The following PACRG variants were observed in gnomAD, a reference collection of about 807,000 sequenced individuals.
PACRG encodes the protein parkin coregulated gene protein.
PACRG carries 29 observed loss-of-function variants against 29.7 expected under a neutral mutation model. The ratio of observed to expected loss-of-function variants is 0.98; its 90% CI spans 0.73 to 1.33. The LOEUF is 1.33. PACRG is among the 40% of genes most tolerant of loss of function. The probability of loss-of-function intolerance (pLI) is 0.00; values close to 1 mark genes in which losing one functional copy is unlikely to be tolerated. For synonymous variants in PACRG, 116 were observed against 118.7 expected, an observed-to-expected ratio of 0.98 and a Z score of 0.15; for missense variants, 279 against 316.2, an observed-to-expected ratio of 0.88 and a Z score of 0.89.
intron 2 of PACRG, among the ~76,000 whole-genome samples, chr6:162,829,257 G>T (rs891917098): frequency 2.6e-5 from 4 of 152,230 alleles, no homozygotes; most frequent in South Asian, 4.1e-4. Context: ...CCAAATGCAG[G>T]CAAGGCCTGG....
intron 4 of PACRG, among the ~76,000 whole-genome samples, chr6:163,274,063 G>A (rs1783940638): frequency 6.6e-6 from 1 of 151,466 alleles, no homozygotes; most frequent in Non-Finnish European, 1.5e-5. Context: ...TAAGTTCTAG[G>A]GTACATGTGC....
intron 4 of PACRG, among the ~76,000 whole-genome samples, chr6:163,145,903 C>T (rs972247859): frequency 6.6e-6 from 1 of 152,128 alleles, no homozygotes; most frequent in South Asian, 2.1e-4. Flanking sequence ...AGATGAGAGG[C>T]GGTGAGGAGA....
At chr6:162,971,527 G>T (rs1024051961) in intron 2 of PACRG, among the ~76,000 whole-genome samples, 7 of 152,172 alleles carry the variant, frequency 4.6e-5, no homozygotes, top group African/African-American at 2.4e-5. Flanking sequence ...AACCACTGCA[G>T]AGTCAGAGAT....
chr6:163,010,461 A>G (rs1805508253), intron 2 of PACRG, among the ~76,000 whole-genome samples: 2 of 152,014 alleles, frequency 1.3e-5, no homozygotes, highest in Non-Finnish European at 2.9e-5. Flanking sequence ...TTCATGTCCA[A>G]TCCTACTCAT....
chr6:162,944,426 A>G (rs1032281030), intron 2 of PACRG, among the ~76,000 whole-genome samples: 6 of 152,230 alleles, frequency 3.9e-5, no homozygotes, highest in South Asian at 2.1e-4. Context: ...GTGGGGAACT[A>G]TGACACCTCA....
chr6:162,728,013 A>T lies in PACRG; in HGVS notation c.-223A>T. ...AGGCTTACCTTTGGAAGCTTGTTGC[A>T]GCTCTAGCCAAGGTCCTGCCCTCTT... is the stretch of plus-strand genomic sequence containing the variant. On this transcript the variant is annotated 5_prime_UTR_variant, in exon 1 of 5. Coordinates refer to ENST00000366888, the MANE Select transcript of PACRG (RefSeq NM_001080379.2). 1.5e-6 allele frequency: 1 copy of T among 646,314 alleles called. No individual in the cohort carries two copies. The highest frequency in any genetic ancestry group is 2.6e-5 in the East Asian group (1 of 38,326). 40.0% of individuals were successfully genotyped at this position (646,314 alleles called of 1,614,324 possible). A position where few individuals can be genotyped will look rare whatever the true frequency, so the allele number is the denominator to read the frequency against.
At chr6:162,745,482 A>G (rs1780919777) in intron 1 of PACRG, among the ~76,000 whole-genome samples, 1 of 152,190 alleles carries the variant, frequency 6.6e-6, no homozygotes, top group Non-Finnish European at 1.5e-5. Flanking sequence ...GCAAATCACC[A>G]TGACACACAT....
intron 2 of PACRG, among the ~76,000 whole-genome samples, chr6:163,002,844 C>T (rs1804711431): frequency 6.6e-6 from 1 of 152,148 alleles, no homozygotes; most frequent in Non-Finnish European, 1.5e-5. Context: ...AACCTTGACT[C>T]CTCTGCAGCA....
chr6:162,933,546 GT>G (rs1798006186), intron 2 of PACRG, among the ~76,000 whole-genome samples: 1 of 137,716 alleles, frequency 7.3e-6, no homozygotes. Flanking sequence ...ATTTACAATT[GT>G]TAGATTATCT....
At chr6:163,082,969 T>C (rs956331117) in intron 3 of PACRG, among the ~76,000 whole-genome samples, 1 of 152,214 alleles carries the variant, frequency 6.6e-6, no homozygotes, top group Non-Finnish European at 1.5e-5. Flanking sequence ...TTTATGCATT[T>C]TTATGGCTTT....
intron 2 of PACRG, among the ~76,000 whole-genome samples, chr6:162,956,336 T>G (rs574830838): frequency 1.3e-5 from 2 of 152,294 alleles, no homozygotes; most frequent in East Asian, 3.9e-4. Flanking sequence ...CGGTGACAGT[T>G]TCCTTTTAAG....
At chr6:162,859,037 G>A (rs568025155) in intron 2 of PACRG, among the ~76,000 whole-genome samples, 1 of 152,244 alleles carries the variant, frequency 6.6e-6, no homozygotes, top group East Asian at 1.9e-4. Flanking sequence ...GGAGTATCAT[G>A]TTCTGAACCC....
intron 4 of PACRG, chr6:163,182,680 A>G (rs370160460): frequency 3.9e-5 from 6 of 152,264 alleles, no homozygotes; most frequent in African/African-American, 1.4e-4. Context: ...TCTTACATAA[A>G]TGTAGCATTT....
intron 4 of PACRG, among the ~76,000 whole-genome samples, chr6:163,101,781 T>C (rs1342566252): frequency 5.3e-5 from 8 of 152,200 alleles, no homozygotes; most frequent in Non-Finnish European, 1.2e-4. Flanking sequence ...GTAAGCCTGG[T>C]TGCGCTGCCT....
intron 1 of PACRG, among the ~76,000 whole-genome samples, chr6:162,764,821 G>A (rs1405127101): frequency 5.3e-5 from 8 of 151,020 alleles, no homozygotes; most frequent in African/African-American, 2.0e-4. Context: ...TCGGCTCAGT[G>A]CAACCTCTGC....
intron 1 of PACRG, among the ~76,000 whole-genome samples, chr6:162,796,029 C>G (rs1182144657): frequency 6.6e-6 from 1 of 152,118 alleles, no homozygotes. Flanking sequence ...ACTGTTTTAT[C>G]TCATCATTCC....
At chr6:163,239,686 A>G (rs1782387351) in intron 4 of PACRG, among the ~76,000 whole-genome samples, 2 of 99,658 alleles carry the variant, frequency 2.0e-5, no homozygotes, top group Non-Finnish European at 3.9e-5. Context: ...CCCTACACAC[A>G]CACGCACACT....
intron 4 of PACRG, among the ~76,000 whole-genome samples, chr6:163,292,504 A>G (rs11962617): frequency 0.14 from 21,630 of 152,142 alleles, 2,999 homozygotes; most frequent in African/African-American, 0.36. Context: ...GGGTTCAAGC[A>G]ATTCTCCTGC....
intron 4 of PACRG, chr6:163,313,034 G>A: frequency 5.0e-6 from 1 of 198,092 alleles, no homozygotes; most frequent in Non-Finnish European, 1.0e-5. Flanking sequence ...GGTATTACAG[G>A]CATGAGTCAC....
Sources: allele counts gnomAD v4.1 joint callset (sites outside exome capture counted in the v4.1 genomes callset), GRCh38; gene constraint gnomAD v4.1.1; transcripts MANE v1.5; gene names NCBI Gene and HGNC (gene_info 2026-07-23, HGNC 2026-07-21).